Variants in ARHGAP28 observed in about 807,000 individuals in gnomAD.
ARHGAP28 encodes the protein rho GTPase-activating protein 28.
A neutral mutation model predicts 90.7 loss-of-function variants in ARHGAP28; 56 were observed. The ratio of observed to expected loss-of-function variants is 0.62; its 90% CI spans 0.50 to 0.77. The LOEUF (loss-of-function observed/expected upper bound fraction) is 0.77, where lower values mean the gene tolerates loss of function less well. ARHGAP28 is among the 30% of genes least tolerant of loss of function. ARHGAP28 has a pLI of 0.00. For synonymous variants in ARHGAP28, 308 were observed against 323.3 expected, an observed-to-expected ratio of 0.95 and a Z score of 0.51; for missense variants, 869 against 900.9, an observed-to-expected ratio of 0.96 and a Z score of 0.45.
chr18:6,888,438 A>C (rs2057238762), intron 12 of ARHGAP28, among the ~76,000 whole-genome samples: 1 of 152,210 alleles, frequency 6.6e-6, no homozygotes, highest in African/African-American at 2.4e-5. Flanking sequence ...CAGACATTTC[A>C]GTGTGGTAAG....
At position 6,837,311 on chromosome 18, in the gene ARHGAP28, C is replaced by T. The variant is rs747681482; in HGVS notation, c.440C>T (p.Ala147Val). 1 of 1,613,524 alleles carries T rather than the reference C, an allele frequency of 6.2e-7. No homozygotes were observed. The highest frequency in any genetic ancestry group is 2.2e-5 in the East Asian group (1 of 44,792). The stretch of plus-strand genomic sequence containing the variant: ...TCCACATTGACTCGAACCCAAGCAG[C>T]TGCCGTGCAAAAGAGATACCATACC... Reference protein sequence around the residue: ...LLSTLTRTQAAAVQKRYHTYT... With the variant: ...LLSTLTRTQAVAVQKRYHTYT... The change falls in exon 3 of 18, where the codon GCT (alanine) becomes GTT (valine). Residue 147 changes from alanine (A) to valine (V), a missense_variant. Coordinates refer to ENST00000383472, the MANE Select transcript of ARHGAP28 (RefSeq NM_001366230.1).
chr18:6,822,958 G>T (rs1191559577), intron 1 of ARHGAP28, among the ~76,000 whole-genome samples: 1 of 152,180 alleles, frequency 6.6e-6, no homozygotes, highest in Non-Finnish European at 1.5e-5. Flanking sequence ...ATCCGCTGCT[G>T]CTCAGCATGT....
At position 6,730,221 on chromosome 18, in the gene ARHGAP28, G is replaced by GTATATATATATATATATA. The variant is rs55890039; in HGVS notation, c.122+294_122+295insTATATATATATATATATA. The GTATATATATATATATATA allele has an allele frequency of 5.2e-4, 91 of 175,076 alleles. 3 individuals carry two copies. The highest frequency in any genetic ancestry group is 2.5e-3 in the African/African-American group (87 of 34,722). The allele number at this position is 175,076 out of a possible 1,614,324, so 10.8% of individuals were successfully genotyped here. Reference sequence around the variant, plus strand: ...GATACGATTTGAGGATAAGTCATGTGTATATATATATATATACCTCATTTC... The same window carrying GTATATATATATATATATA: ...GATACGATTTGAGGATAAGTCATGTGTATATATATATATATATATATATATATATATATACCTCATTTC... On this transcript the variant is annotated intron_variant, in intron 1 of 17. Transcript: ENST00000383472.
intron 1 of ARHGAP28, among the ~76,000 whole-genome samples, chr18:6,765,300 A>T (rs1276910274): frequency 2.6e-5 from 4 of 152,160 alleles, no homozygotes; most frequent in Non-Finnish European, 4.4e-5. Context: ...GTTTTAAATT[A>T]TGAATTCAAT....
chr18:6,832,259 T>C (rs1293614785), intron 2 of ARHGAP28, among the ~76,000 whole-genome samples: 1 of 152,078 alleles, frequency 6.6e-6, no homozygotes, highest in Non-Finnish European at 1.5e-5. Context: ...TCTAAGTAAA[T>C]TGTGTTATGT....
intron 5 of ARHGAP28, among the ~76,000 whole-genome samples, chr18:6,860,131 G>A (rs1286525168): frequency 6.6e-6 from 1 of 152,194 alleles, no homozygotes; most frequent in African/African-American, 2.4e-5. Context: ...AGAAATCAAA[G>A]GATGTTTTTT....
chr18:6,827,685 G>A (rs1315559660), intron 2 of ARHGAP28, among the ~76,000 whole-genome samples: 2 of 151,708 alleles, frequency 1.3e-5, no homozygotes, highest in African/African-American at 2.4e-5. Context: ...TGGCTGGGCG[G>A]AGACGCTTCT....
intron 2 of ARHGAP28, among the ~76,000 whole-genome samples, chr18:6,832,464 T>C (rs2056723606): frequency 6.6e-6 from 1 of 152,096 alleles, no homozygotes; most frequent in African/African-American, 2.4e-5. Context: ...TACTAATCTT[T>C]GATTGATTTA....
chr18:6,806,533 T>A (rs573104206), intron 1 of ARHGAP28, among the ~76,000 whole-genome samples: 13 of 152,240 alleles, frequency 8.5e-5, no homozygotes, highest in Non-Finnish European at 1.8e-4. Context: ...ATTTGTTATA[T>A]ATATATATGA....
intron 3 of ARHGAP28, chr18:6,850,783 G>A (rs1490629067): frequency 1.7e-5 from 26 of 1,510,756 alleles, no homozygotes; most frequent in Non-Finnish European, 2.3e-5. Flanking sequence ...AAAGAAAGTG[G>A]GTTTTGGCAG....
intron 1 of ARHGAP28, among the ~76,000 whole-genome samples, chr18:6,744,098 C>T (rs1488560572): frequency 1.3e-5 from 2 of 151,964 alleles, no homozygotes; most frequent in African/African-American, 4.8e-5. Flanking sequence ...GTTTAGGGCT[C>T]GGGTTGGTGA....
chr18:6,735,949 C>T lies in ARHGAP28; in HGVS notation c.122+6006C>T, dbSNP rs189011587. Among the ~76,000 whole-genome samples, 312 of 152,274 alleles carry T rather than the reference C, an allele frequency of 2.0e-3. 2 individuals are homozygous for T. The highest frequency in any genetic ancestry group is 7.3e-3 in the African/African-American group (305 of 41,538). Reference sequence around the variant, plus strand: ...GTATGCGACGTTGACATCTTACTAACGTTGGTGTTAGGTTTGATCTTCGGG... The same window carrying T: ...GTATGCGACGTTGACATCTTACTAATGTTGGTGTTAGGTTTGATCTTCGGG... On this transcript the variant is annotated intron_variant, in intron 1 of 17. Transcript: ENST00000383472.
intron 9 of ARHGAP28, among the ~76,000 whole-genome samples, chr18:6,875,537 G>A (rs1431268005): frequency 2.6e-5 from 4 of 152,326 alleles, no homozygotes; most frequent in Non-Finnish European, 5.9e-5. Flanking sequence ...CTTAGCAGTA[G>A]AATAGGGTTA....
rs184828049 is a variant in ARHGAP28, at chr18:6,761,731, T to C, written c.122+31788T>C. 4.6e-5 allele frequency among the ~76,000 whole-genome samples: 7 copies of C among 152,354 alleles called. No individual in the cohort carries two copies. In the East Asian group the frequency reaches 1.2e-3, roughly 25 times the overall value. On this transcript the variant is annotated intron_variant, in intron 1 of 17. Coordinates refer to ENST00000383472, the MANE Select transcript of ARHGAP28 (RefSeq NM_001366230.1). ...AATATGTACCTTCAGCCCAGCCTCC[T>C]TCCTGAATAGTGGTTTTCAACTTGG...
intron 16 of ARHGAP28, among the ~76,000 whole-genome samples, chr18:6,900,379 T>C (rs1453959986): frequency 6.6e-6 from 1 of 152,122 alleles, no homozygotes; most frequent in Non-Finnish European, 1.5e-5. Flanking sequence ...TTATAGCAAC[T>C]ATCACAAAAA....
chr18:6,876,124 T>C lies in ARHGAP28; in HGVS notation c.1213-7T>C, dbSNP rs1198507142. ...ACTTATTCTGGTAATATATCATTGC[T>C]TTCTAGTTTTTTGAGAAAGTTGAGG... On this transcript the variant is annotated splice_region_variant and splice_polypyrimidine_tract_variant and intron_variant, in intron 9 of 17. Transcript: ENST00000383472. 2 of 1,611,574 alleles carry C rather than the reference T, an allele frequency of 1.2e-6. No homozygotes were observed. The highest frequency in any genetic ancestry group is 1.7e-6 in the Non-Finnish European group (2 of 1,177,856).
intron 1 of ARHGAP28, among the ~76,000 whole-genome samples, chr18:6,757,011 C>T (rs532544001): frequency 6.6e-6 from 1 of 152,274 alleles, no homozygotes; most frequent in South Asian, 2.1e-4. Context: ...TTTGGCAACA[C>T]CCTCACAGAC....
chr18:6,894,966 G>T, intron 15 of ARHGAP28, 75 bp downstream of exon 15: 1 of 1,370,244 alleles, frequency 7.3e-7, no homozygotes, highest in Non-Finnish European at 1.0e-6. Context: ...CCACATTTAT[G>T]TATAATGTTG....
At chr18:6,764,773 A>G (rs1600163097) in intron 1 of ARHGAP28, among the ~76,000 whole-genome samples, 1 of 152,196 alleles carries the variant, frequency 6.6e-6, no homozygotes, top group African/African-American at 2.4e-5. Context: ...CCTGAAAACA[A>G]TGGCTGGACT....
Sources: gnomAD v4.1 joint callset for allele counts (sites outside exome capture counted in the v4.1 genomes callset) on GRCh38, gnomAD v4.1.1 for gene constraint, MANE v1.5 for transcripts, NCBI Gene and HGNC (gene_info 2026-07-23, HGNC 2026-07-21) for gene names.